Variants in GAS7 observed in about 807,000 individuals in gnomAD.
GAS7 encodes growth arrest-specific protein 7.
In GAS7, 28 loss-of-function variants were observed where a neutral mutation model predicts 71.1. That is an observed-to-expected ratio of 0.39 (90% CI 0.29 to 0.54). GAS7 has a LOEUF of 0.54. Among genes scored for constraint, GAS7 ranks in the 20% least tolerant of loss-of-function variants. The pLI is 0.62. For synonymous variants in GAS7, 258 were observed against 245.8 expected (o/e 1.05, Z -0.46); for missense variants, 436 against 627.8 (o/e 0.69, Z 3.27).
chr17:10,044,858 T>C (rs11870874), intron 1 of GAS7, among the ~76,000 whole-genome samples: 3 of 151,646 alleles, frequency 2.0e-5, no homozygotes, highest in African/African-American at 7.3e-5. Flanking sequence ...ATGGAGACCA[T>C]CCTGGCTAAC....
intron 3 of GAS7, among the ~76,000 whole-genome samples, chr17:9,976,291 C>A (rs1216967735): frequency 6.6e-6 from 1 of 152,252 alleles, no homozygotes; most frequent in Non-Finnish European, 1.5e-5. Flanking sequence ...AGCAAGAACA[C>A]TGGTTCTAGG....
At chr17:10,153,498 A>G in intron 1 of GAS7, among the ~76,000 whole-genome samples, 1 of 146,222 alleles carries the variant, frequency 6.8e-6, no homozygotes, top group African/African-American at 2.6e-5. Flanking sequence ...CCTGGGTGAC[A>G]GAGTGAGACT....
At chr17:10,039,839 T>C (rs910040226) in intron 1 of GAS7, 1 of 433,298 alleles carries the variant, frequency 2.3e-6, no homozygotes. Context: ...TGTGGCACCC[T>C]CTGGGGCTCC....
intron 2 of GAS7, among the ~76,000 whole-genome samples, chr17:10,009,183 T>C (rs1317197288): frequency 2.7e-5 from 4 of 150,004 alleles, no homozygotes; most frequent in Non-Finnish European, 5.9e-5. Context: ...TAGCCGGGCG[T>C]AGTGGCGGGC....
chr17:10,042,039 G>A (rs756518202), intron 1 of GAS7, among the ~76,000 whole-genome samples: 4 of 152,178 alleles, frequency 2.6e-5, no homozygotes, highest in Admixed American at 2.0e-4. Context: ...GCTCATGCCT[G>A]TAATCCTAGC....
chr17:10,148,336 C>G (rs187351658), intron 1 of GAS7, among the ~76,000 whole-genome samples: 134 of 152,060 alleles, frequency 8.8e-4, no homozygotes, highest in Non-Finnish European at 5.1e-4. Context: ...AAGAGCCAGA[C>G]GCAGCGGCTC....
At chr17:9,922,921 T>G (rs191295925) in intron 11 of GAS7, among the ~76,000 whole-genome samples, 1 of 152,198 alleles carries the variant, frequency 6.6e-6, no homozygotes, top group African/African-American at 2.4e-5. Context: ...GTTTGTTTTG[T>G]TTTTTGAGAC....
intron 1 of GAS7, among the ~76,000 whole-genome samples, chr17:10,110,647 T>C (rs1023812199): frequency 8.5e-5 from 13 of 152,108 alleles, no homozygotes; most frequent in African/African-American, 3.1e-4. Flanking sequence ...GATTTTTGTA[T>C]TTTTAGTAGA....
intron 11 of GAS7, among the ~76,000 whole-genome samples, chr17:9,921,685 C>T (rs1025687886): frequency 3.3e-5 from 5 of 152,114 alleles, no homozygotes; most frequent in Admixed American, 6.5e-5. Flanking sequence ...GTTGGCCAGG[C>T]GCGGTGCCTC....
At chr17:10,181,070 G>A (rs1436659168) in intron 1 of GAS7, among the ~76,000 whole-genome samples, 1 of 143,136 alleles carries the variant, frequency 7.0e-6, no homozygotes, top group Non-Finnish European at 1.5e-5. Context: ...GTGGCAGTGC[G>A]GGGGTGGCGG....
Position 10,181,508 on chromosome 17 carries a change from A to T in GAS7, c.183+16700T>A, listed in dbSNP as rs1284436594. Among the ~76,000 whole-genome samples the T allele has an allele frequency of 3.3e-5, 5 of 152,164 alleles. No homozygotes were observed. The South Asian group carries it at 8.3e-4, about 25-fold the overall frequency. ...ATGCACAGGGTACAGAAGCAAAAAAAAGCAAAGCTGTACCCAAGAATCAGG... is the reference window on the plus strand; with the variant it reads ...ATGCACAGGGTACAGAAGCAAAAAATAGCAAAGCTGTACCCAAGAATCAGG... On this transcript the variant is annotated intron_variant, in intron 1 of 13. Coordinates refer to ENST00000432992, the MANE Select transcript of GAS7 (RefSeq NM_201433.2).
chr17:9,963,582 T>C (rs996040703), intron 4 of GAS7, among the ~76,000 whole-genome samples: 1 of 151,860 alleles, frequency 6.6e-6, no homozygotes, highest in African/African-American at 2.4e-5. Context: ...TAAAAGGGAT[T>C]TGGGGGCCAG....
At chr17:10,000,717 T>A (rs957574027) in intron 2 of GAS7, among the ~76,000 whole-genome samples, 1 of 152,158 alleles carries the variant, frequency 6.6e-6, no homozygotes, top group African/African-American at 2.4e-5. Flanking sequence ...TACGAAAGAG[T>A]GGAGCCAGCT....
chr17:10,020,773 C>T (rs1475870800), intron 1 of GAS7, among the ~76,000 whole-genome samples: 2 of 151,986 alleles, frequency 1.3e-5, no homozygotes, highest in Admixed American at 6.6e-5. Context: ...ATTAGCTAGG[C>T]GTGGTGGTGT....
At chr17:10,170,555 T>C (rs554491596) in intron 1 of GAS7, among the ~76,000 whole-genome samples, 1 of 152,334 alleles carries the variant, frequency 6.6e-6, no homozygotes, top group Admixed American at 6.5e-5. Context: ...CCTCTCCTAA[T>C]GAGACCTTCT....
chr17:9,967,729 C>A (rs2069779655), intron 4 of GAS7, among the ~76,000 whole-genome samples: 1 of 152,152 alleles, frequency 6.6e-6, no homozygotes, highest in African/African-American at 2.4e-5. Context: ...GCGCCATCAT[C>A]CCTTTTACCC....
intron 1 of GAS7, among the ~76,000 whole-genome samples, chr17:10,021,106 C>T (rs974086172): frequency 2.6e-5 from 4 of 152,130 alleles, no homozygotes; most frequent in Non-Finnish European, 4.4e-5. Flanking sequence ...CAAATTAGCC[C>T]GTAAGATTGC....
chr17:10,125,072 A>AG (rs1429007797), intron 1 of GAS7, among the ~76,000 whole-genome samples: 3 of 151,838 alleles, frequency 2.0e-5, no homozygotes, highest in Non-Finnish European at 4.4e-5. Flanking sequence ...AGCAGTAAAA[A>AG]AAAAAAAAGG....
intron 1 of GAS7, among the ~76,000 whole-genome samples, chr17:10,197,838 G>A (rs1162993475): frequency 6.6e-6 from 1 of 152,198 alleles, no homozygotes; most frequent in Non-Finnish European, 1.5e-5. Context: ...TCGCACCCCT[G>A]ATCCTCCGTG....
Sources: allele counts gnomAD v4.1 joint callset (sites outside exome capture counted in the v4.1 genomes callset), GRCh38; gene constraint gnomAD v4.1.1; transcripts MANE v1.5; gene names NCBI Gene and HGNC (gene_info 2026-07-23, HGNC 2026-07-21).